YY1AP1: variants seen among roughly 807,000 people sequenced by gnomAD.
The protein encoded by YY1AP1 is YY1-associated protein 1.
Under a neutral mutation model 39.9 loss-of-function variants are expected in YY1AP1, and 43 were observed. That is an observed-to-expected ratio of 1.08 (90% CI 0.84 to 1.39). The LOEUF (loss-of-function observed/expected upper bound fraction) is 1.39. Among genes scored for constraint, YY1AP1 ranks in the 40% most tolerant of loss-of-function variants. The pLI, the probability that YY1AP1 is intolerant of heterozygous loss-of-function variation, is 0.00. For missense variants in YY1AP1, 813 were observed against 900.7 expected (o/e 0.90, Z 1.25); for synonymous variants, 292 against 331.3 (o/e 0.88, Z 1.29).
intron 5 of YY1AP1, 68 bp downstream of exon 5, chr1:155,676,480 A>T: frequency 6.3e-7 from 1 of 1,583,508 alleles, no homozygotes; most frequent in Non-Finnish European, 8.7e-7. Context: ...CTAATTTTAG[A>T]TTATACCAAA....
In YY1AP1 at chr1:155,661,381, A is replaced by G. The variant is rs776789854; in HGVS notation, c.922T>C (p.Cys308Arg). ...CACTGATGTGGCTGGATCTCTTCACAGCATTTTCCTAGGACTGGCAGCTGT... is the reference window on the plus strand; with the variant it reads ...CACTGATGTGGCTGGATCTCTTCACGGCATTTTCCTAGGACTGGCAGCTGT... ...TKQLPVLGKC[C>R]EEIQPHQWKP... The change falls in exon 10 of 11, where the codon TGT (cysteine) becomes CGT (arginine). Residue 308 changes from cysteine (C) to arginine (R), a missense_variant. Physicochemically the swap from Cys to Arg is radical, Grantham distance 180. This residue lies in a region of YY1AP1 where 586 missense variants were observed against 647.4 expected (regional missense o/e 0.91). Coordinates refer to ENST00000355499, the MANE Select transcript of YY1AP1 (RefSeq NM_139119.3). The G allele has an allele frequency of 1.2e-6, 2 of 1,613,892 alleles. No individual in the cohort carries two copies. Among genetic ancestry groups the G allele is most frequent in the Admixed American group, 3.3e-5 (2 of 60,004 alleles).
chr1:155,686,352 T>C (rs1045179389), intron 2 of YY1AP1, among the ~76,000 whole-genome samples: 3 of 151,942 alleles, frequency 2.0e-5, no homozygotes, highest in African/African-American at 7.3e-5. Context: ...CACCGCGCCC[T>C]GCCGAAATCA....
chr1:155,676,231 AG>A (rs1163247795), intron 5 of YY1AP1, among the ~76,000 whole-genome samples: 4 of 151,940 alleles, frequency 2.6e-5, no homozygotes, highest in Admixed American at 2.0e-4. Flanking sequence ...CAAAAAAAAA[AG>A]AAAAAAGAAA....
Position 155,680,473 on chromosome 1 carries a change from C to T in YY1AP1, c.-20-17G>A. ...CTTCCTTTTCTGCAAAAAAGCCAAA[C>T]GTTGTTGGTATAAATTAGATTCATT... On this transcript the variant is annotated splice_polypyrimidine_tract_variant and intron_variant, in intron 2 of 10. Coordinates refer to ENST00000355499, the MANE Select transcript of YY1AP1 (RefSeq NM_139119.3). 2 of 1,610,310 alleles carry T rather than the reference C, an allele frequency of 1.2e-6. No homozygotes were observed. The highest frequency in any genetic ancestry group is 1.7e-6 in the Non-Finnish European group (2 of 1,176,916).
At chr1:155,667,943 GACACACACAAACACAC>G (rs1649278966) in intron 9 of YY1AP1, among the ~76,000 whole-genome samples, 2 of 147,982 alleles carry the variant, frequency 1.4e-5, no homozygotes, top group South Asian at 4.2e-4. Context: ...TACAGACACA[GACACACACAAACACAC>G]ACACACACAC....
intron 1 of YY1AP1, 28 bp downstream of exon 1, chr1:155,688,631 C>A: frequency 1.3e-6 from 2 of 1,534,578 alleles, no homozygotes; most frequent in Non-Finnish European, 1.7e-6. Context: ...CCTGTCAAGC[C>A]GGCTCCAGCG....
Position 155,675,210 on chromosome 1 carries a change from G to A in YY1AP1, c.325-114C>T, listed in dbSNP as rs527603508. Reference sequence around the variant, plus strand: ...GGGTCTTGCTCTGTCACACAGCTTGGAGTGCAGTGGTGCAACCATGACTCA... The same window carrying A: ...GGGTCTTGCTCTGTCACACAGCTTGAAGTGCAGTGGTGCAACCATGACTCA... On this transcript the variant is annotated intron_variant, in intron 5 of 10. Transcript: ENST00000355499. 106 of 920,926 alleles carry A rather than the reference G, an allele frequency of 1.2e-4. No individual in the cohort carries two copies. In the South Asian group the frequency reaches 1.5e-3, roughly 13 times the overall value. 57.0% of individuals were successfully genotyped at this position (920,926 alleles called of 1,614,324 possible). A position where few individuals can be genotyped will look rare whatever the true frequency, so the allele number is the denominator to read the frequency against.
chr1:155,662,047 A>G (rs967364960), intron 9 of YY1AP1, among the ~76,000 whole-genome samples: 1 of 152,218 alleles, frequency 6.6e-6, no homozygotes, highest in Non-Finnish European at 1.5e-5. Context: ...AGATGCTAAG[A>G]GCAATCTTAT....
chr1:155,679,139 C>T, intron 4 of YY1AP1: 1 of 1,388,260 alleles, frequency 7.2e-7, no homozygotes, highest in Non-Finnish European at 9.5e-7. Flanking sequence ...GTCCTACATA[C>T]CTCTCCAGCA....
chr1:155,659,569 T>C lies in YY1AP1; in HGVS notation c.*88A>G. On this transcript the variant is annotated 3_prime_UTR_variant, in exon 11 of 11. Coordinates refer to ENST00000355499, the MANE Select transcript of YY1AP1 (RefSeq NM_139119.3). ...CAAAATCTGGGGTTTAAGTACCCTT[T>C]AGGGGTTTCCTATTGGTTACACCCT... is the stretch of plus-strand genomic sequence containing the variant. 1 of 1,470,356 alleles carries C rather than the reference T, an allele frequency of 6.8e-7. No homozygotes were observed. The highest frequency in any genetic ancestry group is 1.4e-5 in the African/African-American group (1 of 71,738). The allele number at this position is 1,470,356 out of a possible 1,614,324, so 91.1% of individuals were successfully genotyped here.
chr1:155,688,756 G>A lies in YY1AP1; in HGVS notation c.-249C>T, dbSNP rs1268971967. On this transcript the variant is annotated 5_prime_UTR_variant, in exon 1 of 11. Transcript: ENST00000355499. ...ACCAACCGCCGCCAAAGCAGCCGCCGCCAGCACCCCCACCCTACACTCCTC... is the reference window on the plus strand; with the variant it reads ...ACCAACCGCCGCCAAAGCAGCCGCCACCAGCACCCCCACCCTACACTCCTC... 7 of 1,505,806 alleles carry A rather than the reference G, an allele frequency of 4.6e-6. No individual in the cohort carries two copies. The highest frequency in any genetic ancestry group is 2.1e-4 in the Middle Eastern group (1 of 4,802). 93.3% of individuals were successfully genotyped at this position (1,505,806 alleles called of 1,614,324 possible).
rs186693498 is a variant in YY1AP1, at chr1:155,672,819, T to C, written c.412-88A>G. The C allele has an allele frequency of 1.3e-5, 20 of 1,578,488 alleles. No homozygotes were observed. In the East Asian group the frequency reaches 4.5e-4, roughly 35 times the overall value. On this transcript the variant is annotated intron_variant, in intron 6 of 10. Transcript: ENST00000355499. ...CAGAATCTAAATGAGAAGCTGACCT[T>C]CCTACTACAGGATAAAAACAGGTAA...
Position 155,660,371 on chromosome 1 carries a change from C to G in YY1AP1, c.1539G>C (p.Met513Ile). The G allele has an allele frequency of 9.9e-6, 16 of 1,614,140 alleles. No individual in the cohort carries two copies. Among genetic ancestry groups the G allele is most frequent in the Non-Finnish European group, 1.4e-5 (16 of 1,180,036 alleles). Residue 513 changes from methionine to isoleucine, a missense_variant, in exon 11 of 11, where the codon ATG becomes ATC. By Grantham distance (10) the Met-to-Ile change is conservative. Transcript: ENST00000355499. ...LSSAPVPKVMMPSPASSMFRK... is the reference protein window; with the variant it reads ...LSSAPVPKVMIPSPASSMFRK... Reference sequence around the variant, plus strand: ...GAAACATGGAAGAGGCAGGGGAGGGCATCATTACCTTGGGCACAGGGGCAG... The same window carrying G: ...GAAACATGGAAGAGGCAGGGGAGGGGATCATTACCTTGGGCACAGGGGCAG...
At chr1:155,667,923 CAT>C (rs1649264768) in intron 9 of YY1AP1, among the ~76,000 whole-genome samples, 1 of 151,486 alleles carries the variant, frequency 6.6e-6, no homozygotes, top group Admixed American at 6.6e-5. Context: ...TACATACATA[CAT>C]ACATACATAC....
intron 4 of YY1AP1, chr1:155,679,070 A>G: frequency 8.4e-7 from 1 of 1,190,860 alleles, no homozygotes. Flanking sequence ...CATAAAAAGA[A>G]CAAAAGGGAC....
intron 7 of YY1AP1, among the ~76,000 whole-genome samples, chr1:155,671,248 T>C (rs1283199159): frequency 2.0e-5 from 3 of 151,650 alleles, no homozygotes; most frequent in African/African-American, 4.8e-5. Context: ...CTGGCCAACA[T>C]AGTGAAACCC....
At chr1:155,685,710 G>C (rs1049821410) in intron 2 of YY1AP1, among the ~76,000 whole-genome samples, 2 of 151,976 alleles carry the variant, frequency 1.3e-5, no homozygotes, top group Non-Finnish European at 2.9e-5. Flanking sequence ...CCACACACCC[G>C]AACAATGAAA....
At position 155,660,762 on chromosome 1, in the gene YY1AP1, A is replaced by G; in HGVS notation, c.1148T>C (p.Leu383Pro). 6.2e-7 allele frequency: 1 copy of G among 1,614,212 alleles called. No individual in the cohort carries two copies. The highest frequency in any genetic ancestry group is 8.5e-7 in the Non-Finnish European group (1 of 1,180,036). ...ELGSETRYPL[L>P]LPKGVVLKLK... ...TTTCAGGACTACACCCTTAGGCAAT[A>G]GCAGTGGGTACCGAGTTTCACTCCC... The change falls in exon 11 of 11, where the codon CTA becomes CCA. Residue 383 changes from leucine (L) to proline (P), a missense_variant. Leu to Pro is a moderately conservative substitution (Grantham distance 98, BLOSUM62 -3). Transcript: ENST00000355499.
intron 5 of YY1AP1, 29 bp from the exon 6 acceptor site, chr1:155,675,125 ATATGT>A: frequency 6.3e-7 from 1 of 1,584,450 alleles, no homozygotes; most frequent in South Asian, 1.1e-5. Flanking sequence ...TAATGCAGTG[ATATGT>A]TATGACACTG....
Sources: allele counts gnomAD v4.1 joint callset (sites outside exome capture counted in the v4.1 genomes callset), GRCh38; gene constraint gnomAD v4.1.1; regional missense constraint gnomAD v4.1.1; transcripts MANE v1.5; gene names NCBI Gene and HGNC (gene_info 2026-07-23, HGNC 2026-07-21).